PSD3: variants seen among roughly 807,000 people sequenced by gnomAD.
The protein encoded by PSD3 is pleckstrin and Sec7 domain containing 3.
PSD3 carries 49 observed loss-of-function variants against 105.5 expected under a neutral mutation model. The observed-to-expected ratio is 0.46, with a 90% confidence interval of 0.37 to 0.59. The LOEUF (loss-of-function observed/expected upper bound fraction) is 0.59, where lower values mean the gene tolerates loss of function less well. Ranked by LOEUF, PSD3 falls within the 20% of genes least tolerant of loss-of-function variation. PSD3 has a pLI of 0.00. For missense variants in PSD3, 1,561 were observed against 1,263.8 expected (o/e 1.24, Z -3.57); for synonymous variants, 557 against 457.8 (o/e 1.22, Z -2.77).
intron 1 of PSD3, among the ~76,000 whole-genome samples, chr8:19,053,234 A>G (rs1828592144): frequency 6.6e-6 from 1 of 152,126 alleles, no homozygotes; most frequent in Non-Finnish European, 1.5e-5. Flanking sequence ...AACGTCTTAA[A>G]GGCAGGTGGT....
At chr8:18,779,372 T>C (rs1808398674) in intron 8 of PSD3, among the ~76,000 whole-genome samples, 1 of 151,690 alleles carries the variant, frequency 6.6e-6, no homozygotes, top group Non-Finnish European at 1.5e-5. Flanking sequence ...TTATGAATGT[T>C]GTTTATTCTC....
intron 4 of PSD3, among the ~76,000 whole-genome samples, chr8:18,856,402 TTCTC>T (rs5889833): frequency 0.046 from 7,003 of 152,150 alleles, 191 homozygotes; most frequent in Middle Eastern, 0.085. Flanking sequence ...ATGCCAGGGG[TTCTC>T]TGAGTCCCAA....
At chr8:18,660,917 T>C (rs1287444252) in intron 9 of PSD3, among the ~76,000 whole-genome samples, 1 of 152,186 alleles carries the variant, frequency 6.6e-6, no homozygotes, top group East Asian at 1.9e-4. Context: ...TTGCTTAAAT[T>C]ACAGAGGTAA....
intron 4 of PSD3, among the ~76,000 whole-genome samples, chr8:18,847,200 T>A (rs1343394042): frequency 2.6e-5 from 4 of 152,152 alleles, no homozygotes; most frequent in Non-Finnish European, 4.4e-5. Flanking sequence ...ACCAGTCACT[T>A]GAGCCAAGGA....
chr8:18,810,659 T>C (rs1811612613), intron 4 of PSD3, among the ~76,000 whole-genome samples: 1 of 151,990 alleles, frequency 6.6e-6, no homozygotes, highest in Non-Finnish European at 1.5e-5. Context: ...ACCCCAAGGG[T>C]TGTACATAGA....
At chr8:18,594,584 C>T (rs1182413102) in intron 12 of PSD3, among the ~76,000 whole-genome samples, 4 of 149,684 alleles carry the variant, frequency 2.7e-5, no homozygotes, top group Non-Finnish European at 4.4e-5. Context: ...TGAAAGAATG[C>T]TAAACAGAAA....
chr8:18,576,331 A>G (rs1802462041), intron 12 of PSD3, among the ~76,000 whole-genome samples: 1 of 152,170 alleles, frequency 6.6e-6, no homozygotes, highest in Admixed American at 6.5e-5. Flanking sequence ...TTAAACGACA[A>G]AATTGTTACT....
chr8:18,868,686 C>T (rs904493619), intron 3 of PSD3, among the ~76,000 whole-genome samples: 2 of 152,204 alleles, frequency 1.3e-5, no homozygotes, highest in African/African-American at 4.8e-5. Flanking sequence ...AGATTAGAAA[C>T]AGCTCAAAAG....
chr8:18,535,537 T>C lies in PSD3; in HGVS notation c.*206A>G, dbSNP rs576214381. On this transcript the variant is annotated 3_prime_UTR_variant, in exon 16 of 16. Transcript: ENST00000327040. ...CCTCACAGAAAAGGTGCATTAGCTATCAAGTTGCAAAAATCATCAAAGCAA... is the reference window on the plus strand; with the variant it reads ...CCTCACAGAAAAGGTGCATTAGCTACCAAGTTGCAAAAATCATCAAAGCAA... 1 of 568,962 alleles carries C rather than the reference T, an allele frequency of 1.8e-6. No homozygotes were observed. Among genetic ancestry groups the C allele is most frequent in the East Asian group, 2.9e-5 (1 of 34,734 alleles). 35.2% of individuals were successfully genotyped at this position (568,962 alleles called of 1,614,324 possible). A position where few individuals can be genotyped will look rare whatever the true frequency, so the allele number is the denominator to read the frequency against.
chr8:18,658,615 T>G (rs1229982374), intron 9 of PSD3, among the ~76,000 whole-genome samples: 1 of 151,322 alleles, frequency 6.6e-6, no homozygotes, highest in Admixed American at 6.6e-5. Context: ...CTCAAAATCC[T>G]GGGCTCAAGG....
chr8:18,790,227 A>G (rs1380611187), intron 8 of PSD3, among the ~76,000 whole-genome samples: 1 of 152,084 alleles, frequency 6.6e-6, no homozygotes, highest in East Asian at 1.9e-4. Context: ...ACCATTGGCA[A>G]TATGATAGTA....
chr8:18,667,259 G>T (rs1247128352), intron 9 of PSD3, among the ~76,000 whole-genome samples: 1 of 152,116 alleles, frequency 6.6e-6, no homozygotes. Context: ...ACAAGGTGCT[G>T]ACTGGTGCAT....
intron 12 of PSD3, among the ~76,000 whole-genome samples, chr8:18,593,481 C>T (rs1468993913): frequency 6.6e-6 from 1 of 152,108 alleles, no homozygotes; most frequent in Non-Finnish European, 1.5e-5. Context: ...ACAACAGGTG[C>T]TGGAGAGGAT....
At chr8:18,714,434 A>AT (rs985032406) in intron 9 of PSD3, among the ~76,000 whole-genome samples, 2 of 151,838 alleles carry the variant, frequency 1.3e-5, no homozygotes, top group African/African-American at 4.8e-5. Flanking sequence ...CAAGAAAAAA[A>AT]AAAAAAACCA....
intron 1 of PSD3, among the ~76,000 whole-genome samples, chr8:18,981,656 A>AAC (rs561851861): frequency 8.3e-6 from 1 of 121,204 alleles, no homozygotes; most frequent in East Asian, 2.3e-4. Context: ...AATAAAGTGA[A>AAC]TCACTCCAGT....
intron 1 of PSD3, 49 bp downstream of exon 1, chr8:19,013,514 G>A: frequency 6.3e-7 from 1 of 1,578,392 alleles, no homozygotes; most frequent in Non-Finnish European, 8.5e-7. Flanking sequence ...ACGTCGAACA[G>A]CGGCGCCGCG....
At chr8:18,984,011 T>TAA (rs66481672) in intron 1 of PSD3, among the ~76,000 whole-genome samples, 23 of 132,614 alleles carry the variant, frequency 1.7e-4, no homozygotes, top group Admixed American at 6.9e-4. Flanking sequence ...TCTCATTATT[T>TAA]AAAAAAAAAA....
chr8:18,927,279 C>T (rs990368550), intron 2 of PSD3, among the ~76,000 whole-genome samples: 3 of 151,982 alleles, frequency 2.0e-5, no homozygotes, highest in Non-Finnish European at 2.9e-5. Context: ...AAGGGCGCAA[C>T]CTTGGCTCAT....
intron 1 of PSD3, among the ~76,000 whole-genome samples, chr8:19,066,337 A>T (rs138400479): frequency 1.6e-3 from 243 of 152,346 alleles, no homozygotes; most frequent in African/African-American, 5.4e-3. Flanking sequence ...AATTCTAACA[A>T]ACCCTTATAC....
Sources: allele counts gnomAD v4.1 joint callset (sites outside exome capture counted in the v4.1 genomes callset), GRCh38; gene constraint gnomAD v4.1.1; transcripts MANE v1.5; gene names NCBI Gene and HGNC (gene_info 2026-07-23, HGNC 2026-07-21).